The following GALNT2 variants were observed in gnomAD, a reference collection of about 807,000 sequenced individuals.
GALNT2 encodes the protein polypeptide N-acetylgalactosaminyltransferase 2, also known as UDP-GalNAc:polypeptide N-acetylgalactosaminyltransferase 2.
A neutral mutation model predicts 81.4 loss-of-function variants in GALNT2; 31 were observed. The observed-to-expected ratio is 0.38, with a 90% CI of 0.29 to 0.51. The LOEUF (loss-of-function observed/expected upper bound fraction) is 0.51, where lower values mean the gene tolerates loss of function less well. GALNT2 is among the 20% of genes least tolerant of loss of function. The probability of loss-of-function intolerance (pLI) is 0.87; values close to 1 mark genes in which losing one functional copy is unlikely to be tolerated. For missense variants in GALNT2, 629 were observed against 765.7 expected, an observed-to-expected ratio of 0.82 and a Z score of 2.11; for synonymous variants, 303 against 287.4, an observed-to-expected ratio of 1.05 and a Z score of -0.55.
At chr1:230,123,246 C>G (rs1269697012) in intron 1 of GALNT2, among the ~76,000 whole-genome samples, 2 of 152,194 alleles carry the variant, frequency 1.3e-5, no homozygotes, top group Non-Finnish European at 2.9e-5. Context: ...TGATCACCTG[C>G]CTTATTCGTG....
Position 230,106,755 on chromosome 1 carries a change from G to A in GALNT2, c.126+39349G>A, listed in dbSNP as rs1314800035. ...AAGCAGGCAGGCAGTGCGTGCTGGT[G>A]AGCTTGGGCAGTGCTGGAGTGTGTC... On this transcript the variant is annotated intron_variant, in intron 1 of 15. Transcript: ENST00000366672. Among the ~76,000 whole-genome samples the A allele has an allele frequency of 4.4e-5, 6 of 135,392 alleles. No individual in the cohort carries two copies. The Admixed American group carries it at 4.6e-4, about 10-fold the overall frequency. 88.8% of individuals were successfully genotyped at this position (135,392 alleles called of 152,430 possible).
At chr1:230,059,978 T>C (rs73105826) in intron 1 of GALNT2, among the ~76,000 whole-genome samples, 1,554 of 152,328 alleles carry the variant, frequency 0.01, 27 homozygotes, top group African/African-American at 0.036. Flanking sequence ...TAGTGTACCA[T>C]GGTATATCAG....
At chr1:230,067,961 G>A (rs912068485) in intron 1 of GALNT2, among the ~76,000 whole-genome samples, 1 of 152,044 alleles carries the variant, frequency 6.6e-6, no homozygotes, top group Non-Finnish European at 1.5e-5. Flanking sequence ...CCGCTCCCGT[G>A]CCAAGTAAAG....
chr1:230,184,989 T>C (rs1663275937), intron 2 of GALNT2, among the ~76,000 whole-genome samples: 1 of 152,310 alleles, frequency 6.6e-6, no homozygotes, highest in South Asian at 2.1e-4. Flanking sequence ...AGTTTAGAGA[T>C]TTTTTTCCTC....
intron 1 of GALNT2, among the ~76,000 whole-genome samples, chr1:230,170,783 G>A (rs1422196689): frequency 6.6e-6 from 1 of 152,076 alleles, no homozygotes; most frequent in Non-Finnish European, 1.5e-5. Flanking sequence ...AGGGGAGGAG[G>A]TGCCAGGTTC....
intron 10 of GALNT2, among the ~76,000 whole-genome samples, chr1:230,251,299 G>A (rs886331690): frequency 1.3e-5 from 2 of 152,236 alleles, no homozygotes; most frequent in African/African-American, 2.4e-5. Context: ...ACTTACATTC[G>A]TCCTTGGGTG....
chr1:230,084,657 A>G (rs1321045931), intron 1 of GALNT2, among the ~76,000 whole-genome samples: 2 of 152,030 alleles, frequency 1.3e-5, no homozygotes, highest in African/African-American at 2.4e-5. Context: ...ATGGGGGACC[A>G]TGCCTCACAG....
At chr1:230,058,261 A>G (rs1016731327) in intron 1 of GALNT2, among the ~76,000 whole-genome samples, 6 of 152,142 alleles carry the variant, frequency 3.9e-5, no homozygotes, top group Non-Finnish European at 5.9e-5. Flanking sequence ...CCGTAGTGCT[A>G]TGAGTGCTGG....
At chr1:230,121,326 G>A (rs1208739513) in intron 1 of GALNT2, among the ~76,000 whole-genome samples, 1 of 152,246 alleles carries the variant, frequency 6.6e-6, no homozygotes, top group Non-Finnish European at 1.5e-5. Flanking sequence ...GTGGCGGGCG[G>A]TGGGGCAGGC....
At chr1:230,176,213 G>A (rs1662974353) in intron 1 of GALNT2, among the ~76,000 whole-genome samples, 1 of 152,224 alleles carries the variant, frequency 6.6e-6, no homozygotes, top group Middle Eastern at 3.4e-3. Context: ...ATCATTGATT[G>A]GAAGGAAGAA....
chr1:230,073,566 G>A (rs13375918), intron 1 of GALNT2, among the ~76,000 whole-genome samples: 5,668 of 152,274 alleles, frequency 0.037, 193 homozygotes, highest in African/African-American at 0.089. Context: ...TATGGATTAG[G>A]TTTCTTAGCA....
At chr1:230,129,511 G>T (rs1447998309) in intron 1 of GALNT2, among the ~76,000 whole-genome samples, 1 of 151,924 alleles carries the variant, frequency 6.6e-6, no homozygotes, top group Non-Finnish European at 1.5e-5. Flanking sequence ...GTAAAGATGG[G>T]GTCTTGCTGT....
At chr1:230,197,766 A>T (rs917317456) in intron 2 of GALNT2, among the ~76,000 whole-genome samples, 1 of 151,960 alleles carries the variant, frequency 6.6e-6, no homozygotes, top group Non-Finnish European at 1.5e-5. Context: ...GTGTGTGTGC[A>T]TGCGTGCGTA....
chr1:230,262,492 A>G, intron 11 of GALNT2, 81 bp from the exon 12 acceptor site: 1 of 1,237,912 alleles, frequency 8.1e-7, no homozygotes. Flanking sequence ...CGCCTCAGTC[A>G]CACGCCAGCA....
intron 1 of GALNT2, among the ~76,000 whole-genome samples, chr1:230,119,949 G>A (rs987022151): frequency 2.6e-5 from 4 of 152,052 alleles, no homozygotes; most frequent in African/African-American, 7.2e-5. Context: ...TAAGATTCCC[G>A]GGGTCACATT....
intron 10 of GALNT2, among the ~76,000 whole-genome samples, chr1:230,254,791 A>G (rs572626879): frequency 6.6e-6 from 1 of 152,314 alleles, no homozygotes; most frequent in African/African-American, 2.4e-5. Context: ...GTTGATACGA[A>G]GCAAGTGCAA....
rs747399816 is a variant in GALNT2, at chr1:230,243,391, G to C, written c.693G>C (p.Glu231Asp). ...TFLDSHCECN[E>D]HWLEPLLERV... Reference sequence around the variant, plus strand: ...TGGACAGTCACTGCGAGTGTAATGAGCACTGGCTGGAGCCCCTCCTGGAAA... The same window carrying C: ...TGGACAGTCACTGCGAGTGTAATGACCACTGGCTGGAGCCCCTCCTGGAAA... The change falls in exon 7 of 16, where the codon GAG (glutamate) becomes GAC (aspartate). Residue 231 changes from glutamate to aspartate, a missense_variant. Physicochemically the swap from Glu to Asp is conservative, Grantham distance 45. This residue lies in a region of GALNT2 where 360 missense variants were observed against 492.8 expected (regional missense o/e 0.73). Coordinates refer to ENST00000366672, the MANE Select transcript of GALNT2 (RefSeq NM_004481.5). This position sits in a 1 kb window ranked among gnomAD's most constrained non-coding sequence, Gnocchi z 4.2. 13 of 1,612,548 alleles carry C rather than the reference G, an allele frequency of 8.1e-6. No homozygotes were observed. The African/African-American group carries it at 9.3e-5, about 12-fold the overall frequency.
intron 14 of GALNT2, among the ~76,000 whole-genome samples, chr1:230,267,975 C>T (rs956142091): frequency 1.3e-5 from 2 of 152,218 alleles, no homozygotes; most frequent in Non-Finnish European, 2.9e-5. Flanking sequence ...GAGGAGGCGT[C>T]TCCGCTGGCT....
At chr1:230,143,399 G>A (rs932886659) in intron 1 of GALNT2, among the ~76,000 whole-genome samples, 1 of 152,222 alleles carries the variant, frequency 6.6e-6, no homozygotes, top group Non-Finnish European at 1.5e-5. Context: ...GAGAGCAGAA[G>A]AGCAGAAGCA....
Sources: allele counts gnomAD v4.1 joint callset (sites outside exome capture counted in the v4.1 genomes callset), GRCh38; gene constraint gnomAD v4.1.1; regional missense constraint gnomAD v4.1.1; non-coding constraint Gnocchi (gnomAD v3.1); transcripts MANE v1.5; gene names NCBI Gene and HGNC (gene_info 2026-07-23, HGNC 2026-07-21).